SNX14: variants seen among roughly 807,000 people sequenced by gnomAD.
SNX14 encodes sorting nexin 14.
Under a neutral mutation model 133.8 loss-of-function variants are expected in SNX14, and 93 were observed. The ratio of observed to expected loss-of-function variants is 0.70; its 90% CI spans 0.59 to 0.83. The LOEUF (loss-of-function observed/expected upper bound fraction) is 0.83. SNX14 is among the 40% of genes least tolerant of loss of function. The pLI is 0.00. For synonymous variants in SNX14, 368 were observed against 365.6 expected, an observed-to-expected ratio of 1.01 and a Z score of -0.07; for missense variants, 945 against 1,094.9, an observed-to-expected ratio of 0.86 and a Z score of 1.93.
At chr6:85,570,355 A>T (rs1009928850) in intron 4 of SNX14, among the ~76,000 whole-genome samples, 1 of 152,124 alleles carries the variant, frequency 6.6e-6, no homozygotes, top group Admixed American at 6.5e-5. Flanking sequence ...CAAAGACACA[A>T]ATAATACTCT....
chr6:85,534,836 T>TG (rs1781392265), intron 17 of SNX14, among the ~76,000 whole-genome samples: 1 of 150,830 alleles, frequency 6.6e-6, no homozygotes, highest in Non-Finnish European at 1.5e-5. Flanking sequence ...GGAAAGTTTT[T>TG]TTTTTTTTTT....
rs765688923 is a variant in SNX14, at chr6:85,533,601, G to A, written c.1808C>T (p.Ala603Val). The change falls in exon 18 of 29, where the codon GCA (alanine) becomes GTA (valine). Residue 603 changes from alanine to valine, a missense_variant and splice_region_variant. By Grantham distance (64) the Ala-to-Val change is moderately conservative (BLOSUM62 0). Transcript: ENST00000314673. Reference sequence around the variant, plus strand: ...AAGGTGCTCAGAAAGCTTCCTACCTGCTCTTCTATCATTTCTTTCAACATC... The same window carrying A: ...AAGGTGCTCAGAAAGCTTCCTACCTACTCTTCTATCATTTCTTTCAACATC... Reference protein sequence around the residue: ...CIDVERNDRRAVGHEPEHWSV... With the variant: ...CIDVERNDRRVVGHEPEHWSV... 46 of 1,612,114 alleles carry A rather than the reference G, an allele frequency of 2.9e-5. No homozygotes were observed. The highest frequency in any genetic ancestry group is 3.8e-5 in the Non-Finnish European group (45 of 1,179,778).
intron 21 of SNX14, among the ~76,000 whole-genome samples, chr6:85,519,349 G>A (rs994018516): frequency 5.3e-5 from 8 of 152,144 alleles, no homozygotes; most frequent in Admixed American, 6.5e-5. Context: ...AATATATTTA[G>A]AGGCTAGTCA....
chr6:85,512,485 G>A (rs1562182379), intron 26 of SNX14, among the ~76,000 whole-genome samples: 4 of 152,120 alleles, frequency 2.6e-5, no homozygotes, highest in African/African-American at 2.4e-5. Context: ...AGCCAGGCGT[G>A]GTGGTGCAGG....
At chr6:85,516,632 CTTT>C (rs746721196) in intron 23 of SNX14, among the ~76,000 whole-genome samples, 21 of 126,418 alleles carry the variant, frequency 1.7e-4, no homozygotes, top group African/African-American at 3.8e-4. Flanking sequence ...CTTCCTTAAT[CTTT>C]TTTTTTTTTT....
At chr6:85,543,784 GA>G in intron 12 of SNX14, 24 bp from the exon 13 acceptor site, 1 of 1,384,618 alleles carries the variant, frequency 7.2e-7, no homozygotes, top group Non-Finnish European at 9.6e-7. Flanking sequence ...GAATGAATAA[GA>G]AAAAATAATT....
chr6:85,521,491 G>A (rs765153103), intron 21 of SNX14, among the ~76,000 whole-genome samples: 10 of 149,668 alleles, frequency 6.7e-5, no homozygotes, highest in East Asian at 1.9e-4. Context: ...TTTTTCTACT[G>A]TATTGTCTTC....
At chr6:85,534,702 T>C (rs567672621) in intron 17 of SNX14, among the ~76,000 whole-genome samples, 1 of 152,146 alleles carries the variant, frequency 6.6e-6, no homozygotes, top group African/African-American at 2.4e-5. Flanking sequence ...AAAAAATACA[T>C]CTTCTTCCAC....
intron 15 of SNX14, 119 bp from the exon 16 acceptor site, chr6:85,538,983 G>A (rs1270903929): frequency 1.3e-5 from 9 of 713,194 alleles, no homozygotes; most frequent in African/African-American, 1.9e-5. Flanking sequence ...TTACACAGGT[G>A]TATAACATTC....
intron 5 of SNX14, among the ~76,000 whole-genome samples, chr6:85,566,803 T>C (rs575481705): frequency 3.0e-4 from 45 of 152,328 alleles, no homozygotes; most frequent in Non-Finnish European, 3.4e-4. Flanking sequence ...GAGGTATAAG[T>C]GTTCAAATAT....
At chr6:85,534,743 C>T (rs1781345987) in intron 17 of SNX14, among the ~76,000 whole-genome samples, 1 of 150,970 alleles carries the variant, frequency 6.6e-6, no homozygotes, top group South Asian at 2.1e-4. Context: ...TTCATAATAA[C>T]ACGGTTAAAT....
intron 2 of SNX14, 52 bp downstream of exon 2, chr6:85,574,206 C>A: frequency 7.7e-7 from 1 of 1,294,900 alleles, no homozygotes; most frequent in East Asian, 2.8e-5. Flanking sequence ...AAATAATAAA[C>A]AGCTTAGGCT....
At chr6:85,564,078 A>G (rs1792873720) in intron 6 of SNX14, among the ~76,000 whole-genome samples, 1 of 152,170 alleles carries the variant, frequency 6.6e-6, no homozygotes, top group Non-Finnish European at 1.5e-5. Context: ...AGCTTCATCC[A>G]TGTCCCTACA....
chr6:85,514,316 G>C, intron 24 of SNX14, 82 bp from the exon 25 acceptor site: 1 of 1,515,022 alleles, frequency 6.6e-7, no homozygotes, highest in Middle Eastern at 1.8e-4. Flanking sequence ...AAACACAAAT[G>C]ACCATGGTCA....
rs761689424 is a variant in SNX14, at chr6:85,547,391, T to C, written c.919A>G (p.Lys307Glu). The stretch of plus-strand genomic sequence containing the variant: ...AAAGGAGAAGCCGGTTCAGTTGCTT[T>C]TTCAGGCTTTGAAAGAAAGAGAATT... ...IIFIDDSPPE[K>E]ATEPASPLVP... is the part of the protein sequence containing the mutation. Residue 307 changes from lysine (K) to glutamate (E), a missense_variant, in exon 11 of 29, where the codon AAA becomes GAA. Lys to Glu is a moderately conservative substitution (Grantham distance 56). Around this residue, in one of 3 missense-constraint regions of SNX14, gnomAD observed 514 missense variants for 538.8 expected, o/e 0.95. Transcript: ENST00000314673. 3.1e-6 allele frequency: 5 copies of C among 1,613,330 alleles called. No individual in the cohort carries two copies. The highest frequency in any genetic ancestry group is 3.3e-4 in the Middle Eastern group (2 of 6,048).
chr6:85,578,405 G>C (rs988924652), intron 1 of SNX14, among the ~76,000 whole-genome samples: 2 of 152,132 alleles, frequency 1.3e-5, no homozygotes, highest in Non-Finnish European at 2.9e-5. Context: ...TAGAAGACTG[G>C]GGAAATTCTG....
chr6:85,546,843 C>A (rs1260139782), intron 12 of SNX14, among the ~76,000 whole-genome samples: 1 of 151,948 alleles, frequency 6.6e-6, no homozygotes, highest in East Asian at 1.9e-4. Flanking sequence ...TGCCTGTAAT[C>A]CCAGCTACTT....
At chr6:85,507,138 G>C (rs1770981802) in intron 28 of SNX14, 95 bp downstream of exon 28, 5 of 1,141,788 alleles carry the variant, frequency 4.4e-6, no homozygotes, top group South Asian at 4.1e-5. Context: ...ACAGAGAACA[G>C]AGACAAGGGT....
intron 6 of SNX14, among the ~76,000 whole-genome samples, chr6:85,562,843 C>T (rs1792178624): frequency 6.6e-6 from 1 of 152,078 alleles, no homozygotes; most frequent in African/African-American, 2.4e-5. Flanking sequence ...CTGCCCATCT[C>T]AGCCACCTCA....
Sources: allele counts gnomAD v4.1 joint callset (sites outside exome capture counted in the v4.1 genomes callset), GRCh38; gene constraint gnomAD v4.1.1; regional missense constraint gnomAD v4.1.1; transcripts MANE v1.5; gene names NCBI Gene and HGNC (gene_info 2026-07-23, HGNC 2026-07-21).